Variants in PIP5K1B observed in about 807,000 individuals in gnomAD.
PIP5K1B encodes the protein phosphatidylinositol-4-phosphate 5-kinase type 1 beta.
Under a neutral mutation model 67.0 loss-of-function variants are expected in PIP5K1B, and 42 were observed. The observed-to-expected ratio is 0.63, with a 90% CI of 0.49 to 0.81. PIP5K1B has a LOEUF of 0.81. Among genes scored for constraint, PIP5K1B ranks in the 30% least tolerant of loss-of-function variants. PIP5K1B has a pLI of 0.00. For missense variants in PIP5K1B, 459 were observed against 646.3 expected (o/e 0.71, Z 3.14); for synonymous variants, 214 against 231.4 (o/e 0.92, Z 0.68).
chr9:68,710,946 G>A (rs1441095338), intron 1 of PIP5K1B, among the ~76,000 whole-genome samples: 2 of 152,174 alleles, frequency 1.3e-5, no homozygotes, highest in African/African-American at 4.8e-5. Flanking sequence ...ATTGCTCCTG[G>A]TTTTAAAATG....
At position 68,814,974 on chromosome 9, in the gene PIP5K1B, G is replaced by T. The variant is rs1587493547; in HGVS notation, c.-85-3487G>T. Among the ~76,000 whole-genome samples the T allele has an allele frequency of 3.3e-5, 5 of 152,120 alleles. No individual in the cohort carries two copies. In the South Asian group the frequency reaches 1.0e-3, roughly 32 times the overall value. The stretch of plus-strand genomic sequence containing the variant: ...AGGTTTACAAAAATCTATTTCTATG[G>T]CCACAGGAAAAAACTAAATGAATTT... On this transcript the variant is annotated intron_variant, in intron 2 of 15. Coordinates refer to ENST00000265382, the MANE Select transcript of PIP5K1B (RefSeq NM_003558.4).
At chr9:68,966,714 C>T (rs1829051737) in intron 14 of PIP5K1B, 1 of 152,174 alleles carries the variant, frequency 6.6e-6, no homozygotes, top group African/African-American at 2.4e-5. Flanking sequence ...TGAACAAAAT[C>T]TGGATATAGT....
At chr9:68,711,936 T>C (rs1827414152) in intron 1 of PIP5K1B, among the ~76,000 whole-genome samples, 1 of 152,252 alleles carries the variant, frequency 6.6e-6, no homozygotes, top group African/African-American at 2.4e-5. Context: ...TCCTGGCGAC[T>C]TTTCTGTTCT....
At chr9:68,929,513 T>C (rs1826885494) in intron 12 of PIP5K1B, among the ~76,000 whole-genome samples, 1 of 152,166 alleles carries the variant, frequency 6.6e-6, no homozygotes, top group Non-Finnish European at 1.5e-5. Context: ...GAGATGAGAG[T>C]TGGATGTACT....
chr9:68,997,380 AG>A, intron 15 of PIP5K1B, among the ~76,000 whole-genome samples: 1 of 152,288 alleles, frequency 6.6e-6, no homozygotes, highest in South Asian at 2.1e-4. Context: ...CGCTGCTTCA[AG>A]GGGTGTTTAT....
chr9:68,952,037 C>T (rs1227726774), intron 14 of PIP5K1B, among the ~76,000 whole-genome samples: 1 of 152,122 alleles, frequency 6.6e-6, no homozygotes, highest in African/African-American at 2.4e-5. Context: ...CCTCCTCCTA[C>T]ACCCTTCCAG....
rs79616560 is a variant in PIP5K1B at position 68,984,517 on chromosome 9, A to G, written c.1503-6623A>G. On this transcript the variant is annotated intron_variant, in intron 14 of 15. Transcript: ENST00000265382. ...TTTCAGATTATTCAGAATACATTTA[A>G]TGGTACTTTACTGTATAAATGCCTG... Among the ~76,000 whole-genome samples, 1,059 of 152,372 alleles carry G rather than the reference A, an allele frequency of 7.0e-3. 7 individuals carry two copies. Among genetic ancestry groups the G allele is most frequent in the Non-Finnish European group, 0.011 (763 of 68,034 alleles).
At chr9:68,802,040 C>G (rs1013945872) in intron 2 of PIP5K1B, among the ~76,000 whole-genome samples, 3 of 152,186 alleles carry the variant, frequency 2.0e-5, no homozygotes, top group African/African-American at 7.2e-5. Flanking sequence ...TTTTCTGTCT[C>G]TTTCTCATAT....
At chr9:68,713,141 A>G (rs1012043155) in intron 1 of PIP5K1B, among the ~76,000 whole-genome samples, 2 of 152,178 alleles carry the variant, frequency 1.3e-5, no homozygotes, top group African/African-American at 4.8e-5. Context: ...GCTCACAACT[A>G]TAATCCCAGC....
intron 1 of PIP5K1B, among the ~76,000 whole-genome samples, chr9:68,738,045 T>C (rs1428584079): frequency 2.0e-5 from 3 of 152,204 alleles, no homozygotes; most frequent in African/African-American, 7.2e-5. Flanking sequence ...AGGTAATGAC[T>C]GAGTGTTCGT....
chr9:68,780,056 C>A, intron 2 of PIP5K1B: 1 of 1,397,574 alleles, frequency 7.2e-7, no homozygotes, highest in Non-Finnish European at 9.3e-7. Flanking sequence ...GAGGGGCCAG[C>A]CCGCTGACAG....
At chr9:69,000,689 C>T (rs1457365845) in intron 15 of PIP5K1B, among the ~76,000 whole-genome samples, 6 of 152,312 alleles carry the variant, frequency 3.9e-5, no homozygotes, top group Admixed American at 1.3e-4. Flanking sequence ...TAGGGCCCAA[C>T]CTGTGGCCTC....
chr9:68,897,583 G>A (rs1006486877), intron 8 of PIP5K1B, among the ~76,000 whole-genome samples: 2 of 152,176 alleles, frequency 1.3e-5, no homozygotes, highest in African/African-American at 4.8e-5. Context: ...TTTTGGGGCA[G>A]TTAATAGGGA....
chr9:68,913,197 C>T (rs944817710), intron 8 of PIP5K1B, among the ~76,000 whole-genome samples: 7 of 152,202 alleles, frequency 4.6e-5, no homozygotes, highest in Non-Finnish European at 7.3e-5. Context: ...GTGAATCATT[C>T]CTGTTTCCTT....
At chr9:68,765,604 T>C (rs1049504079) in intron 2 of PIP5K1B, among the ~76,000 whole-genome samples, 1 of 152,138 alleles carries the variant, frequency 6.6e-6, no homozygotes, top group African/African-American at 2.4e-5. Flanking sequence ...ACAAATATAA[T>C]TTATTATGGC....
chr9:68,888,472 A>G (rs1824598429), intron 6 of PIP5K1B, among the ~76,000 whole-genome samples: 1 of 152,280 alleles, frequency 6.6e-6, no homozygotes, highest in African/African-American at 2.4e-5. Flanking sequence ...TTAAAGTGTT[A>G]GATGAACAGG....
chr9:68,989,823 T>TA (rs2132947742), intron 14 of PIP5K1B, among the ~76,000 whole-genome samples: 1 of 151,782 alleles, frequency 6.6e-6, no homozygotes, highest in East Asian at 1.9e-4. Context: ...CTACGAAAAA[T>TA]ACAAAAATTA....
At chr9:68,987,943 G>T (rs939885643) in intron 14 of PIP5K1B, among the ~76,000 whole-genome samples, 1 of 152,132 alleles carries the variant, frequency 6.6e-6, no homozygotes, top group Non-Finnish European at 1.5e-5. Context: ...AGATTTGGAT[G>T]GGGGGACACA....
chr9:68,924,586 A>G (rs1382712021), intron 12 of PIP5K1B, among the ~76,000 whole-genome samples: 4 of 151,934 alleles, frequency 2.6e-5, no homozygotes, highest in African/African-American at 9.7e-5. Context: ...ATTTTCTACA[A>G]TGAATATGTT....
Sources: allele counts gnomAD v4.1 joint callset (sites outside exome capture counted in the v4.1 genomes callset), GRCh38; gene constraint gnomAD v4.1.1; transcripts MANE v1.5; gene names NCBI Gene and HGNC (gene_info 2026-07-23, HGNC 2026-07-21).